Variants in CFAP54 observed in about 807,000 individuals in gnomAD.
The protein encoded by CFAP54 is cilia and flagella associated protein 54, also known as cilia- and flagella-associated protein 54.
In CFAP54, 290 loss-of-function variants were observed where a neutral mutation model predicts 370.4. That is an observed-to-expected ratio of 0.78 (90% CI 0.71 to 0.86). The LOEUF is 0.86. Among genes scored for constraint, CFAP54 ranks in the 40% least tolerant of loss-of-function variants. The pLI is 0.00. For missense variants in CFAP54, 3,399 were observed against 3,528.7 expected (o/e 0.96, Z 0.93); for synonymous variants, 1,206 against 1,236.5 (o/e 0.98, Z 0.52).
intron 63 of CFAP54, among the ~76,000 whole-genome samples, chr12:96,801,382 A>C (rs1421156785): frequency 6.6e-6 from 1 of 152,226 alleles, no homozygotes. Flanking sequence ...ACTTTGTACA[A>C]ACTGAGCATC....
intron 4 of CFAP54, among the ~76,000 whole-genome samples, chr12:96,509,650 T>C (rs1262646493): frequency 6.6e-6 from 1 of 151,996 alleles, no homozygotes; most frequent in Non-Finnish European, 1.5e-5. Context: ...ACTGGGTCTC[T>C]ACTAAAAGTA....
intron 8 of CFAP54, among the ~76,000 whole-genome samples, chr12:96,524,973 TC>T (rs1955361729): frequency 6.6e-6 from 1 of 152,136 alleles, no homozygotes; most frequent in Admixed American, 6.5e-5. Flanking sequence ...TTTTTTTCTT[TC>T]TTTTATTTTC....
At chr12:96,752,085 TGAGAGAGAGAGAGAGAGAGAGAGAGA>T (rs55648812) in intron 55 of CFAP54, among the ~76,000 whole-genome samples, 7 of 90,568 alleles carry the variant, frequency 7.7e-5, no homozygotes, top group African/African-American at 2.3e-4. Flanking sequence ...TCTTCCTGGA[TGAGAGAGAGAGAGAGAGAGAGAGAGA>T]GAGAGAGAGA....
intron 29 of CFAP54, 130 bp downstream of exon 29, chr12:96,625,937 C>A: frequency 1.5e-6 from 1 of 687,820 alleles, no homozygotes; most frequent in Non-Finnish European, 2.4e-6. Context: ...GAATTCTTAC[C>A]CACTCAGAAT....
intron 55 of CFAP54, among the ~76,000 whole-genome samples, chr12:96,750,254 A>AT (rs1179915101): frequency 6.6e-6 from 1 of 151,898 alleles, no homozygotes; most frequent in African/African-American, 2.4e-5. Context: ...GTCTGTTCTT[A>AT]CCCGTCACCT....
At chr12:96,718,112 A>G (rs1957706612) in intron 48 of CFAP54, among the ~76,000 whole-genome samples, 1 of 152,214 alleles carries the variant, frequency 6.6e-6, no homozygotes, top group Admixed American at 6.5e-5. Context: ...TAATCCCAGC[A>G]CTTTGGGAGG....
chr12:96,640,847 T>G (rs1277583901), intron 32 of CFAP54, among the ~76,000 whole-genome samples: 1 of 152,104 alleles, frequency 6.6e-6, no homozygotes, highest in Non-Finnish European at 1.5e-5. Flanking sequence ...ATTTAATAAA[T>G]GGTGCTGGGA....
intron 50 of CFAP54, among the ~76,000 whole-genome samples, chr12:96,729,673 G>A (rs977057664): frequency 7.2e-5 from 11 of 152,182 alleles, no homozygotes; most frequent in Non-Finnish European, 1.2e-4. Flanking sequence ...GCTTCAGCTC[G>A]CGCACGGCGC....
At chr12:96,548,400 C>A (rs1955662237) in intron 15 of CFAP54, among the ~76,000 whole-genome samples, 1 of 151,876 alleles carries the variant, frequency 6.6e-6, no homozygotes, top group African/African-American at 2.4e-5. Flanking sequence ...TGCCACCCCC[C>A]CTCACATTTA....
At chr12:96,843,525 G>A (rs1959249729) in intron 66 of CFAP54, among the ~76,000 whole-genome samples, 2 of 152,298 alleles carry the variant, frequency 1.3e-5, no homozygotes, top group Middle Eastern at 3.4e-3. Flanking sequence ...AGGTTCTGCT[G>A]TGCTAACAAA....
At chr12:96,676,408 C>T (rs1957209459) in intron 39 of CFAP54, among the ~76,000 whole-genome samples, 1 of 152,072 alleles carries the variant, frequency 6.6e-6, no homozygotes. Context: ...CTGTTATGGG[C>T]TGAATATTTG....
chr12:96,635,916 T>C (rs1956660112), intron 32 of CFAP54, among the ~76,000 whole-genome samples: 1 of 152,160 alleles, frequency 6.6e-6, no homozygotes, highest in African/African-American at 2.4e-5. Flanking sequence ...AGCTTGTGGT[T>C]GTACCTACCT....
rs752900660 is a variant in CFAP54, at chr12:96,592,676, CT to C, written c.3360+40del. 10 of 704,154 alleles carry C rather than the reference CT, an allele frequency of 1.4e-5. No homozygotes were observed. In the South Asian group the frequency reaches 3.0e-4, roughly 21 times the overall value. 43.6% of individuals were successfully genotyped at this position (704,154 alleles called of 1,614,324 possible). A position where few individuals can be genotyped will look rare whatever the true frequency, so the allele number is the denominator to read the frequency against. On this transcript the variant is annotated intron_variant, in intron 24 of 67. Transcript: ENST00000524981. ...AGTGACTAAAAACATGTCAGATTCA[CT>C]GTATTTTTTTCTTGATGTTTTAAGA...
At position 96,567,738 on chromosome 12, in the gene CFAP54, G is replaced by T. The variant is rs118067626; in HGVS notation, c.2619+2973G>T. Reference sequence around the variant, plus strand: ...TTTATGATGACTGAATCTGGTCTTTGTACTGCCATAGTGTGCTGGTTCCCC... The same window carrying T: ...TTTATGATGACTGAATCTGGTCTTTTTACTGCCATAGTGTGCTGGTTCCCC... On this transcript the variant is annotated intron_variant, in intron 19 of 67. Transcript: ENST00000524981. Among the ~76,000 whole-genome samples the T allele has an allele frequency of 6.7e-3, 1,024 of 152,164 alleles. 8 individuals are homozygous for T. Among genetic ancestry groups the T allele is most frequent in the Middle Eastern group, 0.034 (10 of 294 alleles).
chr12:96,713,901 G>T (rs999668546), intron 48 of CFAP54, among the ~76,000 whole-genome samples: 4 of 152,118 alleles, frequency 2.6e-5, no homozygotes, highest in South Asian at 2.1e-4. Context: ...AAAGGTGAAA[G>T]TTCCAGGAGA....
Position 96,664,765 on chromosome 12 carries a change from CTATATCTA to C in CFAP54, c.5563+837_5563+844del, listed in dbSNP as rs1565934436. 4.2e-4 allele frequency among the ~76,000 whole-genome samples: 31 copies of C among 73,616 alleles called. 2 individuals carry two copies. Among genetic ancestry groups the C allele is most frequent in the African/African-American group, 1.7e-3 (29 of 16,776 alleles). The allele number at this position is 73,616 out of a possible 152,430, so 48.3% of individuals were successfully genotyped here. ...TATATATATATATATCTATATATAT[CTATATCTA>C]TATCTATATATATATATATATATAT... On this transcript the variant is annotated intron_variant, in intron 39 of 67. Coordinates refer to ENST00000524981, the MANE Select transcript of CFAP54 (RefSeq NM_001306084.2).
In CFAP54 at chr12:96,489,595, C is replaced by T. The variant is rs1406648154; in HGVS notation, c.-15C>T. The stretch of plus-strand genomic sequence containing the variant: ...CGCGTGTACACATACTCCAGGCGGG[C>T]CGGGGCGCGTCAATATGGCGGCGCA... On this transcript the variant is annotated 5_prime_UTR_variant, in exon 1 of 68. Coordinates refer to ENST00000524981, the MANE Select transcript of CFAP54 (RefSeq NM_001306084.2). The T allele has an allele frequency of 2.7e-6, 4 of 1,505,474 alleles. No homozygotes were observed. Among genetic ancestry groups the T allele is most frequent in the Non-Finnish European group, 3.5e-6 (4 of 1,127,322 alleles). The allele number at this position is 1,505,474 out of a possible 1,614,324, so 93.3% of individuals were successfully genotyped here.
chr12:96,558,412 A>G (rs925171163), intron 17 of CFAP54, among the ~76,000 whole-genome samples: 3 of 152,264 alleles, frequency 2.0e-5, no homozygotes, highest in Non-Finnish European at 4.4e-5. Context: ...ACAAAAAACT[A>G]TTAGAACTGA....
At chr12:96,538,185 T>C (rs957451639) in intron 12 of CFAP54, among the ~76,000 whole-genome samples, 199 bp from the exon 13 acceptor site, 1 of 152,074 alleles carries the variant, frequency 6.6e-6, no homozygotes, top group African/African-American at 2.4e-5. Context: ...TTGGGAAAAA[T>C]CACTTAATCT....
Sources: gnomAD v4.1 joint callset for allele counts (sites outside exome capture counted in the v4.1 genomes callset) on GRCh38, gnomAD v4.1.1 for gene constraint, MANE v1.5 for transcripts, NCBI Gene and HGNC (gene_info 2026-07-23, HGNC 2026-07-21) for gene names.